SGCZ: variants seen among roughly 807,000 people sequenced by gnomAD.
The protein encoded by SGCZ is sarcoglycan zeta.
In SGCZ, 40 loss-of-function variants were observed where a neutral mutation model predicts 41.3. That is an observed-to-expected ratio of 0.97 (90% CI 0.75 to 1.26). SGCZ has a LOEUF of 1.26. SGCZ is among the 50% of genes most tolerant of loss of function. The pLI is 0.00. For synonymous variants in SGCZ, 206 were observed against 137.5 expected (o/e 1.50, Z -3.49); for missense variants, 552 against 369.8 (o/e 1.49, Z -4.04).
chr8:14,157,045 T>G (rs1803896540), intron 5 of SGCZ, among the ~76,000 whole-genome samples: 1 of 152,158 alleles, frequency 6.6e-6, no homozygotes, highest in Non-Finnish European at 1.5e-5. Context: ...TTATGTACTG[T>G]GCATAACTGT....
chr8:14,472,557 TGGG>T, intron 2 of SGCZ, among the ~76,000 whole-genome samples: 1 of 152,128 alleles, frequency 6.6e-6, no homozygotes, highest in Non-Finnish European at 1.5e-5. Context: ...AACCATATAC[TGGG>T]ATATCATTAC....
At chr8:14,460,370 T>C (rs1431339124) in intron 2 of SGCZ, among the ~76,000 whole-genome samples, 1 of 152,154 alleles carries the variant, frequency 6.6e-6, no homozygotes, top group African/African-American at 2.4e-5. Flanking sequence ...TCACACGATA[T>C]TTAGGATAAT....
rs189711369 is a variant in SGCZ, at chr8:14,209,127, C to A, written c.424+28465G>T. Among the ~76,000 whole-genome samples, 46 of 152,320 alleles carry A rather than the reference C, an allele frequency of 3.0e-4. No homozygotes were observed. In the East Asian group the frequency reaches 4.0e-3, roughly 13 times the overall value. On this transcript the variant is annotated intron_variant, in intron 4 of 7. Transcript: ENST00000382080. ...GAAGCAGAAAACACGGCGCCAGCCA[C>A]GTGGAAAGCCCATTTGCATATTAGT...
chr8:14,522,411 A>G (rs889565154), intron 2 of SGCZ, among the ~76,000 whole-genome samples: 6 of 152,012 alleles, frequency 3.9e-5, no homozygotes, highest in Non-Finnish European at 7.4e-5. Flanking sequence ...TAAATATTCA[A>G]TTTCCTTACG....
intron 1 of SGCZ, among the ~76,000 whole-genome samples, chr8:14,730,814 T>C (rs1331755605): frequency 2.0e-5 from 3 of 151,748 alleles, no homozygotes; most frequent in African/African-American, 4.9e-5. Context: ...CATTTTGCAA[T>C]GAACAAAATG....
intron 1 of SGCZ, among the ~76,000 whole-genome samples, chr8:14,956,539 C>T (rs187185631): frequency 1.2e-3 from 179 of 152,114 alleles, no homozygotes; most frequent in African/African-American, 3.7e-3. Flanking sequence ...ATATTTCATG[C>T]ACAGAATCTC....
At chr8:14,781,077 G>T (rs567504851) in intron 1 of SGCZ, among the ~76,000 whole-genome samples, 1 of 152,080 alleles carries the variant, frequency 6.6e-6, no homozygotes, top group East Asian at 1.9e-4. Flanking sequence ...TATGCCTGAG[G>T]GATGCAGTCA....
Position 14,551,781 on chromosome 8 carries a change from G to A in SGCZ, c.234+2951C>T, listed in dbSNP as rs74303166. Among the ~76,000 whole-genome samples the A allele has an allele frequency of 4.5e-5, 6 of 132,742 alleles. No individual in the cohort carries two copies. The East Asian group carries it at 1.2e-3, about 27-fold the overall frequency. The allele number at this position is 132,742 out of a possible 152,430, so 87.1% of individuals were successfully genotyped here. On this transcript the variant is annotated intron_variant, in intron 2 of 7. Transcript: ENST00000382080. ...TTTCTACAACTGGGTATCTCAATAA[G>A]TAGAATAATTTTATTTTCTAAAAAA...
intron 1 of SGCZ, among the ~76,000 whole-genome samples, chr8:14,715,747 T>C (rs961040339): frequency 6.6e-6 from 1 of 152,118 alleles, no homozygotes; most frequent in African/African-American, 2.4e-5. Flanking sequence ...TAGAGATCTG[T>C]CAGAAGTAAA....
intron 2 of SGCZ, among the ~76,000 whole-genome samples, chr8:14,472,573 T>C (rs1260729444): frequency 6.6e-6 from 1 of 152,114 alleles, no homozygotes; most frequent in Non-Finnish European, 1.5e-5. Flanking sequence ...ATCATTACAT[T>C]ATAAGAAAAC....
chr8:14,561,437 C>T (rs1034320070), intron 1 of SGCZ, among the ~76,000 whole-genome samples: 5 of 152,104 alleles, frequency 3.3e-5, no homozygotes, highest in Non-Finnish European at 2.9e-5. Flanking sequence ...CAAGATGTTT[C>T]TCTGGCTTCA....
chr8:14,470,274 A>G (rs1372434856), intron 2 of SGCZ, among the ~76,000 whole-genome samples: 2 of 152,164 alleles, frequency 1.3e-5, no homozygotes, highest in Admixed American at 6.5e-5. Context: ...TTTTTTCTGC[A>G]CACAATGAGG....
chr8:14,847,876 T>A (rs992877510), intron 1 of SGCZ, among the ~76,000 whole-genome samples: 6 of 150,490 alleles, frequency 4.0e-5, no homozygotes, highest in African/African-American at 1.2e-4. Context: ...CTAGTCAACA[T>A]TGTACTTGAG....
intron 1 of SGCZ, among the ~76,000 whole-genome samples, chr8:14,899,221 C>T (rs1798881238): frequency 6.6e-6 from 1 of 152,008 alleles, no homozygotes; most frequent in African/African-American, 2.4e-5. Context: ...TTTTGTAAAT[C>T]TCATATCCAC....
chr8:14,623,792 G>C (rs1447706456), intron 1 of SGCZ, among the ~76,000 whole-genome samples: 4 of 152,188 alleles, frequency 2.6e-5, no homozygotes, highest in African/African-American at 9.7e-5. Context: ...CATGTAGAAA[G>C]TCAATAATTT....
intron 1 of SGCZ, chr8:14,690,551 G>C (rs560304882): frequency 1.0e-3 from 157 of 152,230 alleles, no homozygotes; most frequent in African/African-American, 3.7e-3. Flanking sequence ...TGAAAGCAAC[G>C]ACCAAGAATG....
intron 2 of SGCZ, among the ~76,000 whole-genome samples, chr8:14,527,137 G>A (rs765736744): frequency 6.6e-6 from 1 of 151,966 alleles, no homozygotes; most frequent in Non-Finnish European, 1.5e-5. Flanking sequence ...CTCTTCCAAG[G>A]TTACCAGCTC....
At chr8:14,752,248 G>A (rs1049869188) in intron 1 of SGCZ, among the ~76,000 whole-genome samples, 3 of 151,138 alleles carry the variant, frequency 2.0e-5, no homozygotes, top group Non-Finnish European at 2.9e-5. Context: ...ATTTGCAGCT[G>A]AACGTTTCCT....
intron 2 of SGCZ, among the ~76,000 whole-genome samples, chr8:14,507,332 G>A (rs1024236456): frequency 6.6e-6 from 1 of 152,140 alleles, no homozygotes; most frequent in African/African-American, 2.4e-5. Flanking sequence ...TCTTTGAGAA[G>A]CACAGTTTTG....
Sources: allele counts gnomAD v4.1 joint callset (sites outside exome capture counted in the v4.1 genomes callset), GRCh38; gene constraint gnomAD v4.1.1; transcripts MANE v1.5; gene names NCBI Gene and HGNC (gene_info 2026-07-23, HGNC 2026-07-21).